TCF25: variants seen among roughly 807,000 people sequenced by gnomAD.
The protein encoded by TCF25 is ribosome quality control complex subunit TCF25.
A neutral mutation model predicts 83.1 loss-of-function variants in TCF25; 41 were observed. The ratio of observed to expected loss-of-function variants is 0.49; its 90% CI spans 0.38 to 0.64. The LOEUF (loss-of-function observed/expected upper bound fraction) is 0.64, where lower values mean the gene tolerates loss of function less well. Ranked by LOEUF, TCF25 falls within the 30% of genes least tolerant of loss-of-function variation. The pLI, the probability that TCF25 is intolerant of heterozygous loss-of-function variation, is 0.00. For synonymous variants in TCF25, 458 were observed against 365.0 expected, an observed-to-expected ratio of 1.25 and a Z score of -2.90; for missense variants, 979 against 914.5, an observed-to-expected ratio of 1.07 and a Z score of -0.91.
chr16:89,896,756 G>A (rs892625349), intron 9 of TCF25, among the ~76,000 whole-genome samples: 4 of 152,024 alleles, frequency 2.6e-5, no homozygotes, highest in Non-Finnish European at 4.4e-5. Flanking sequence ...AGGTTTCACT[G>A]TGTTGGCCAG....
In TCF25 at chr16:89,895,051, C is replaced by T. The variant is rs550169763; in HGVS notation, c.842C>T (p.Thr281Met). The change falls in exon 8 of 18, where the codon ACG becomes ATG. Residue 281 changes from threonine to methionine, a missense_variant. Physicochemically the swap from Thr to Met is moderately conservative, Grantham distance 81. Transcript: ENST00000263346. ...CCCTTCTGGTAGGTTCTGCTCCAGA[C>T]GAGCCCTTACCACGTTGACTCACTC... The part of the protein sequence containing the change: ...EPNNIVVLLQ[T>M]SPYHVDSLLQ... The T allele has an allele frequency of 6.0e-5, 96 of 1,613,064 alleles. No individual in the cohort carries two copies. Among genetic ancestry groups the T allele is most frequent in the Non-Finnish European group, 7.9e-5 (93 of 1,179,642 alleles).
chr16:89,909,681 A>C (rs1394054306), intron 16 of TCF25: 2 of 152,182 alleles, frequency 1.3e-5, no homozygotes, highest in Non-Finnish European at 2.9e-5. Flanking sequence ...ATCTCAAAAA[A>C]AAAAAAAAAA....
chr16:89,899,058 C>A (rs927748693), intron 11 of TCF25, among the ~76,000 whole-genome samples, 186 bp downstream of exon 11: 17 of 152,214 alleles, frequency 1.1e-4, no homozygotes, highest in African/African-American at 4.1e-4. Flanking sequence ...ATGTGGTTTT[C>A]CTAGGGACAG....
intron 16 of TCF25, among the ~76,000 whole-genome samples, chr16:89,908,717 G>C (rs112652850): frequency 0.85 from 4,798 of 5,640 alleles, 2,096 homozygotes; most frequent in Middle Eastern, 0.89. Flanking sequence ...CCACCTCCCG[G>C]CTCCCGCCTC....
intron 6 of TCF25, among the ~76,000 whole-genome samples, chr16:89,893,353 G>A (rs1440187687): frequency 6.6e-6 from 1 of 152,156 alleles, no homozygotes; most frequent in Admixed American, 6.5e-5. Flanking sequence ...CAGCCACCCC[G>A]GACATTCTCC....
intron 12 of TCF25, chr16:89,901,073 C>T (rs958516976): frequency 2.7e-5 from 9 of 327,760 alleles, no homozygotes; most frequent in South Asian, 6.9e-5. Context: ...CTGGGAGGTG[C>T]GGGGCATTGG....
chr16:89,875,557 C>T (rs2042122902), intron 1 of TCF25, among the ~76,000 whole-genome samples: 1 of 115,318 alleles, frequency 8.7e-6, no homozygotes. Flanking sequence ...GAGTCTCGCT[C>T]TGTCGCCCAG....
chr16:89,900,228 C>T (rs941080651), intron 11 of TCF25, among the ~76,000 whole-genome samples: 2 of 150,460 alleles, frequency 1.3e-5, no homozygotes, highest in Non-Finnish European at 3.0e-5. Flanking sequence ...CGGAAACTCG[C>T]GTGGCGGGCT....
rs760917119 is a variant in TCF25 at position 89,883,390 on chromosome 16, G to A, written c.232G>A (p.Gly78Arg). Reference sequence around the variant, plus strand: ...TCTTGAGGATGACCCTGTGGTGAACGGGGAGAGGTCTGGCTGTGCGCTCAC... The same window carrying A: ...TCTTGAGGATGACCCTGTGGTGAACAGGGAGAGGTCTGGCTGTGCGCTCAC... Reference protein sequence around the residue: ...DDLEDDPVVNGERSGCALTDA... With the variant: ...DDLEDDPVVNRERSGCALTDA... Residue 78 changes from glycine (G) to arginine (R), a missense_variant, in exon 2 of 18, where the codon GGG becomes AGG. Transcript: ENST00000263346. The A allele has an allele frequency of 1.4e-5, 23 of 1,613,982 alleles. No individual in the cohort carries two copies. The highest frequency in any genetic ancestry group is 8.8e-5 in the South Asian group (8 of 91,072).
chr16:89,909,664 T>C (rs1479649398), intron 16 of TCF25: 2 of 129,636 alleles, frequency 1.5e-5, no homozygotes, highest in African/African-American at 6.2e-5. Flanking sequence ...GGTGACAGAG[T>C]GACTCCATCT....
intron 2 of TCF25, chr16:89,883,943 C>T (rs574490887): frequency 2.7e-5 from 5 of 186,896 alleles, no homozygotes; most frequent in African/African-American, 9.2e-5. Flanking sequence ...GTCAGGTTAA[C>T]GTGGGATGGG....
chr16:89,895,185 A>G (rs7186976), intron 8 of TCF25, 48 bp downstream of exon 8: 170,633 of 1,551,460 alleles, frequency 0.11, 10,701 homozygotes, highest in East Asian at 0.19. Flanking sequence ...GGAGCACCTC[A>G]AGCTATCAAG....
At position 89,904,814 on chromosome 16, in the gene TCF25, C is replaced by A. The variant is rs536831661; in HGVS notation, c.1470-124C>A. On this transcript the variant is annotated intron_variant, in intron 13 of 17. Transcript: ENST00000263346. ...CTCAGGCCAGCAGCCCAGGGGCCTC[C>A]TTTCACTCCAGGCCACAGGGCACTC... 50 of 1,241,458 alleles carry A rather than the reference C, an allele frequency of 4.0e-5. No individual in the cohort carries two copies. In the African/African-American group the frequency reaches 6.5e-4, roughly 16 times the overall value. The allele number at this position is 1,241,458 out of a possible 1,614,324, so 76.9% of individuals were successfully genotyped here.
chr16:89,909,059 G>A (rs777876637), intron 16 of TCF25: 19 of 1,289,426 alleles, frequency 1.5e-5, no homozygotes, highest in African/African-American at 7.6e-5. Context: ...ATGTACAAGC[G>A]CTTGCGTGTC....
chr16:89,881,872 G>A (rs900794753), intron 1 of TCF25, among the ~76,000 whole-genome samples: 1 of 151,808 alleles, frequency 6.6e-6, no homozygotes, highest in African/African-American at 2.4e-5. Flanking sequence ...CTCCTGCCTC[G>A]GCCTCCCGAG....
chr16:89,908,885 G>A, intron 16 of TCF25: 1 of 1,267,426 alleles, frequency 7.9e-7, no homozygotes, highest in Non-Finnish European at 1.0e-6. Context: ...GGGCTTTGGG[G>A]CTCACAGGGA....
At chr16:89,885,638 T>G (rs1216532367) in intron 3 of TCF25, among the ~76,000 whole-genome samples, 1 of 152,200 alleles carries the variant, frequency 6.6e-6, no homozygotes, top group Non-Finnish European at 1.5e-5. Flanking sequence ...GTCCTTCTGG[T>G]TCTGTGATTC....
In TCF25 at chr16:89,885,854, G is replaced by A. The variant is rs147838020; in HGVS notation, c.436G>A (p.Gly146Arg). The A allele has an allele frequency of 5.5e-4, 889 of 1,604,480 alleles. 1 individual carries two copies. Among genetic ancestry groups the A allele is most frequent in the Non-Finnish European group, 6.3e-4 (741 of 1,171,742 alleles). The change falls in exon 4 of 18, where the codon GGA becomes AGA. Residue 146 changes from glycine to arginine, a missense_variant. Physicochemically the swap from Gly to Arg is moderately radical, Grantham distance 125. Transcript: ENST00000263346. ...KSSTGEASEN[G>R]LEDIDRILER... ...GTTGTTTTGGGGCTTTTAGGAAAAC[G>A]GACTAGAAGATATCGATCGCATCCT... is the stretch of plus-strand genomic sequence containing the variant.
intron 1 of TCF25, among the ~76,000 whole-genome samples, chr16:89,880,188 T>G (rs189636580): frequency 6.6e-6 from 1 of 152,164 alleles, no homozygotes; most frequent in East Asian, 1.9e-4. Flanking sequence ...CTCCTTTCCA[T>G]TGAAGTTCAG....
Sources: gnomAD v4.1 joint callset for allele counts (sites outside exome capture counted in the v4.1 genomes callset) on GRCh38, gnomAD v4.1.1 for gene constraint, MANE v1.5 for transcripts, NCBI Gene and HGNC (gene_info 2026-07-23, HGNC 2026-07-21) for gene names.